FRMD5: variants seen among roughly 807,000 people sequenced by gnomAD.
FRMD5 encodes FERM domain containing 5, also known as FERM domain-containing protein 5.
Under a neutral mutation model 69.0 loss-of-function variants are expected in FRMD5, and 20 were observed. The observed-to-expected ratio is 0.29, with a 90% CI of 0.20 to 0.42. FRMD5 has a LOEUF of 0.42. Ranked by LOEUF, FRMD5 falls within the 10% of genes least tolerant of loss-of-function variation. FRMD5 has a pLI of 1.00. For missense variants in FRMD5, 595 were observed against 708.6 expected, an observed-to-expected ratio of 0.84 and a Z score of 1.82; for synonymous variants, 271 against 260.1, an observed-to-expected ratio of 1.04 and a Z score of -0.40.
intron 1 of FRMD5, among the ~76,000 whole-genome samples, chr15:44,167,497 T>C (rs2077729651): frequency 6.6e-6 from 1 of 152,226 alleles, no homozygotes; most frequent in East Asian, 1.9e-4. Context: ...TCTTCTATAT[T>C]TGGCCTACTA....
intron 1 of FRMD5, among the ~76,000 whole-genome samples, chr15:43,933,758 G>T (rs16948586): frequency 0.014 from 2,110 of 152,278 alleles, 38 homozygotes; most frequent in East Asian, 0.061. Flanking sequence ...ACAGTGGGCA[G>T]CTACCCAACT....
intron 1 of FRMD5, among the ~76,000 whole-genome samples, chr15:44,193,961 G>A (rs1411907740): frequency 1.3e-5 from 2 of 152,206 alleles, no homozygotes; most frequent in African/African-American, 4.8e-5. Flanking sequence ...GACCCCTCTG[G>A]GTCCAGCTCA....
chr15:43,887,700 C>T (rs1448409535), intron 10 of FRMD5, among the ~76,000 whole-genome samples: 1 of 152,206 alleles, frequency 6.6e-6, no homozygotes, highest in African/African-American at 2.4e-5. Flanking sequence ...GTTCTCATCT[C>T]TCCAGGATCC....
At chr15:43,989,855 G>A in intron 1 of FRMD5, 4 of 1,021,432 alleles carry the variant, frequency 3.9e-6, no homozygotes, top group Non-Finnish European at 6.1e-6. Context: ...TTGGGGCTCA[G>A]GGGGACCTTG....
At chr15:44,103,530 G>A (rs1383788632) in intron 1 of FRMD5, among the ~76,000 whole-genome samples, 1 of 152,122 alleles carries the variant, frequency 6.6e-6, no homozygotes, top group Non-Finnish European at 1.5e-5. Flanking sequence ...TTTATAGAGG[G>A]ATAACTCATA....
chr15:44,039,880 AC>A (rs1196153216), intron 1 of FRMD5, among the ~76,000 whole-genome samples: 1 of 152,070 alleles, frequency 6.6e-6, no homozygotes, highest in Non-Finnish European at 1.5e-5. Context: ...ACTCCTCTGA[AC>A]TAAAGGAGCA....
intron 5 of FRMD5, among the ~76,000 whole-genome samples, chr15:43,909,503 T>C (rs2089245547): frequency 6.6e-6 from 1 of 151,466 alleles, no homozygotes; most frequent in Non-Finnish European, 1.5e-5. Context: ...TATTTGGAGA[T>C]GGAGTCTTGG....
In FRMD5 at chr15:43,905,912, C is replaced by T. The variant is rs772266766; in HGVS notation, c.467G>A (p.Gly156Asp). 6.2e-7 allele frequency: 1 copy of T among 1,614,136 alleles called. No individual in the cohort carries two copies. The highest frequency in any genetic ancestry group is 8.5e-7 in the Non-Finnish European group (1 of 1,179,964). The change falls in exon 6 of 14, where the codon GGC (glycine) becomes GAC (aspartate). Residue 156 changes from glycine to aspartate, a missense_variant. Around this residue, in one of 5 missense-constraint regions of FRMD5, gnomAD observed 51 missense variants for 41.7 expected, o/e 1.22. Coordinates refer to ENST00000417257, the MANE Select transcript of FRMD5 (RefSeq NM_032892.5). ...GAAAAACTGGAACTTGGAGCTGTAG[C>T]CTTCAGGGTGTTTCCCTGAGTCATA... ...GDYDSGKHPE[G>D]YSSKFQFFPK...
At chr15:43,893,563 G>C (rs1239075742) in intron 7 of FRMD5, among the ~76,000 whole-genome samples, 1 of 152,208 alleles carries the variant, frequency 6.6e-6, no homozygotes, top group African/African-American at 2.4e-5. Context: ...GTGATGGAGA[G>C]GGTGTAAGTG....
At chr15:44,195,320 C>A, upstream of FRMD5, 1 of 498,088 alleles carries the variant, frequency 2.0e-6, no homozygotes, top group East Asian at 3.8e-5. Flanking sequence ...GGCGGGGCCT[C>A]AACTGGAGGG....
At chr15:44,019,485 C>T (rs1304436834) in intron 1 of FRMD5, among the ~76,000 whole-genome samples, 1 of 150,598 alleles carries the variant, frequency 6.6e-6, no homozygotes, top group Non-Finnish European at 1.5e-5. Flanking sequence ...CCTGTAACCT[C>T]AACACTTTGC....
At position 43,880,151 on chromosome 15, in the gene FRMD5, C is replaced by T. The variant is rs571614680; in HGVS notation, c.1135+3552G>A. On this transcript the variant is annotated intron_variant, in intron 13 of 13. Transcript: ENST00000417257. The stretch of plus-strand genomic sequence containing the variant: ...CCAGGCCATATATAGTCCAGGCCTG[C>T]CCTGGTGCCAGCCAAGTTGCATGGT... 3.3e-5 allele frequency among the ~76,000 whole-genome samples: 5 copies of T among 152,272 alleles called. No individual in the cohort carries two copies. In the East Asian group the frequency reaches 9.6e-4, roughly 29 times the overall value.
At chr15:44,060,395 C>T (rs993798840) in intron 1 of FRMD5, among the ~76,000 whole-genome samples, 1 of 152,138 alleles carries the variant, frequency 6.6e-6, no homozygotes, top group South Asian at 2.1e-4. Flanking sequence ...CTGAGCTCTA[C>T]AGTGACAAAT....
upstream of FRMD5, among the ~76,000 whole-genome samples, chr15:44,195,528 C>G (rs1057088077): frequency 3.3e-5 from 5 of 152,250 alleles, no homozygotes; most frequent in Non-Finnish European, 7.3e-5. Flanking sequence ...TTTCCCCTCC[C>G]CCGGGCCAGG....
intron 1 of FRMD5, among the ~76,000 whole-genome samples, chr15:44,143,914 ACT>A (rs1311734318): frequency 1.0e-5 from 1 of 99,518 alleles, no homozygotes; most frequent in African/African-American, 3.4e-5. Context: ...ACAGACTGAG[ACT>A]CTGTCACCAA....
intron 1 of FRMD5, among the ~76,000 whole-genome samples, chr15:43,930,980 G>C (rs1057228253): frequency 6.6e-6 from 1 of 152,228 alleles, no homozygotes; most frequent in African/African-American, 2.4e-5. Context: ...TGTACAGCTT[G>C]TAAGAGCAAG....
chr15:43,876,544 GGGAGAAGGGGAATA>G (rs1162931706), intron 13 of FRMD5, among the ~76,000 whole-genome samples: 1 of 152,172 alleles, frequency 6.6e-6, no homozygotes, highest in African/African-American at 2.4e-5. Flanking sequence ...GGTAGGAATG[GGGAGAAGGGGAATA>G]TGTCATGCCT....
At chr15:44,129,898 A>C (rs567665336) in intron 1 of FRMD5, among the ~76,000 whole-genome samples, 1 of 152,312 alleles carries the variant, frequency 6.6e-6, no homozygotes, top group South Asian at 2.1e-4. Context: ...GGAACAAATG[A>C]GCCCCAGGCA....
At chr15:44,191,201 A>G (rs1418065101) in intron 1 of FRMD5, among the ~76,000 whole-genome samples, 1 of 152,206 alleles carries the variant, frequency 6.6e-6, no homozygotes, top group African/African-American at 2.4e-5. Flanking sequence ...TTCTGACTTG[A>G]AAATAGGTAT....
Sources: gnomAD v4.1 joint callset for allele counts (sites outside exome capture counted in the v4.1 genomes callset) on GRCh38, gnomAD v4.1.1 for gene constraint, gnomAD v4.1.1 regional missense constraint, MANE v1.5 for transcripts, NCBI Gene and HGNC (gene_info 2026-07-23, HGNC 2026-07-21) for gene names.